FHIT: variants seen among roughly 807,000 people sequenced by gnomAD.
FHIT encodes bis(5'-adenosyl)-triphosphatase.
FHIT carries 19 observed loss-of-function variants against 17.9 expected under a neutral mutation model. That is an observed-to-expected ratio of 1.06 (90% CI 0.74 to 1.56). FHIT has a LOEUF of 1.56. Among genes scored for constraint, FHIT ranks in the 40% most tolerant of loss-of-function variants. The pLI is 0.00. For synonymous variants in FHIT, 81 were observed against 69.7 expected (o/e 1.16, Z -0.81); for missense variants, 248 against 189.2 (o/e 1.31, Z -1.82).
chr3:59,896,342 T>A (rs1295377267), intron 8 of FHIT, among the ~76,000 whole-genome samples: 2 of 152,174 alleles, frequency 1.3e-5, no homozygotes, highest in Non-Finnish European at 2.9e-5. Context: ...AAAGAACTCA[T>A]CTAAAAGAAA....
At chr3:59,957,302 G>C (rs546721285) in intron 7 of FHIT, among the ~76,000 whole-genome samples, 1 of 152,310 alleles carries the variant, frequency 6.6e-6, no homozygotes, top group Admixed American at 6.5e-5. Flanking sequence ...GTGTGCATTC[G>C]AGAGAAAAGA....
chr3:60,249,073 G>A (rs1705551240), intron 5 of FHIT, among the ~76,000 whole-genome samples: 1 of 152,020 alleles, frequency 6.6e-6, no homozygotes, highest in Non-Finnish European at 1.5e-5. Flanking sequence ...ATTTCCTAAT[G>A]AGGGCTCCAT....
chr3:61,222,494 T>C (rs1484199754), intron 1 of FHIT, among the ~76,000 whole-genome samples: 1 of 152,220 alleles, frequency 6.6e-6, no homozygotes, highest in African/African-American at 2.4e-5. Context: ...GCAAGATTTC[T>C]GCTCTCTTTA....
chr3:60,267,257 T>C (rs1446696874), intron 5 of FHIT, among the ~76,000 whole-genome samples: 1 of 151,730 alleles, frequency 6.6e-6, no homozygotes, highest in Non-Finnish European at 1.5e-5. Flanking sequence ...GGAGGGACAA[T>C]GTAGGGGTTT....
chr3:60,942,896 T>C (rs1708481804), intron 3 of FHIT, among the ~76,000 whole-genome samples: 1 of 152,220 alleles, frequency 6.6e-6, no homozygotes, highest in Non-Finnish European at 1.5e-5. Context: ...ATGTACTAAT[T>C]TCTATCATCA....
intron 3 of FHIT, among the ~76,000 whole-genome samples, chr3:60,852,616 T>C (rs1319365470): frequency 6.6e-6 from 1 of 152,112 alleles, no homozygotes; most frequent in Non-Finnish European, 1.5e-5. Flanking sequence ...AGAACTCTTT[T>C]AGGCACTTAA....
intron 2 of FHIT, among the ~76,000 whole-genome samples, chr3:61,178,772 A>T (rs1243151078): frequency 6.6e-6 from 1 of 151,942 alleles, no homozygotes; most frequent in Non-Finnish European, 1.5e-5. Flanking sequence ...ATCTATTAGG[A>T]TATAAATGAG....
At chr3:60,080,030 G>T (rs1313380322) in intron 5 of FHIT, among the ~76,000 whole-genome samples, 1 of 151,850 alleles carries the variant, frequency 6.6e-6, no homozygotes, top group Non-Finnish European at 1.5e-5. Flanking sequence ...AACTCAATCT[G>T]GGTTAATTTA....
At chr3:61,135,486 G>T (rs1229023358) in intron 2 of FHIT, among the ~76,000 whole-genome samples, 1 of 152,096 alleles carries the variant, frequency 6.6e-6, no homozygotes, top group Non-Finnish European at 1.5e-5. Flanking sequence ...AGGAACTGAG[G>T]CTTAGAGAGT....
chr3:59,978,961 T>C (rs996709732), intron 7 of FHIT, among the ~76,000 whole-genome samples: 2 of 151,882 alleles, frequency 1.3e-5, no homozygotes, highest in Non-Finnish European at 2.9e-5. Flanking sequence ...GAAAAGTGAG[T>C]GTGAACCTAA....
At chr3:60,008,038 A>G (rs1033989156) in intron 7 of FHIT, among the ~76,000 whole-genome samples, 5 of 152,174 alleles carry the variant, frequency 3.3e-5, no homozygotes, top group African/African-American at 1.2e-4. Flanking sequence ...ATCATAAACA[A>G]TGACAAAATC....
intron 3 of FHIT, among the ~76,000 whole-genome samples, chr3:60,847,868 G>A (rs1178778632): frequency 1.3e-5 from 2 of 152,036 alleles, no homozygotes; most frequent in Non-Finnish European, 2.9e-5. Context: ...TTTCTTTATG[G>A]GAATAAAGTA....
At chr3:60,298,495 C>T (rs949666917) in intron 5 of FHIT, among the ~76,000 whole-genome samples, 32 of 152,290 alleles carry the variant, frequency 2.1e-4, no homozygotes, top group African/African-American at 7.2e-4. Flanking sequence ...CAAAAGTATT[C>T]GATCTTCCAA....
intron 4 of FHIT, among the ~76,000 whole-genome samples, chr3:60,661,444 A>G (rs1244189966): frequency 6.6e-6 from 1 of 151,828 alleles, no homozygotes; most frequent in Non-Finnish European, 1.5e-5. Flanking sequence ...TTCTTTATCC[A>G]CTCATTAACT....
chr3:61,073,451 A>T (rs2106748201), intron 2 of FHIT, among the ~76,000 whole-genome samples: 1 of 152,282 alleles, frequency 6.6e-6, no homozygotes, highest in South Asian at 2.1e-4. Flanking sequence ...TCTGCGTCTG[A>T]TCCTGATGGA....
At chr3:60,023,885 A>T (rs936932559) in intron 5 of FHIT, among the ~76,000 whole-genome samples, 1 of 152,176 alleles carries the variant, frequency 6.6e-6, no homozygotes, top group African/African-American at 2.4e-5. Context: ...TCTAATGAAT[A>T]ATTTCTTCAA....
chr3:61,041,725 C>T (rs1200347077), intron 3 of FHIT, among the ~76,000 whole-genome samples: 1 of 151,064 alleles, frequency 6.6e-6, no homozygotes, highest in East Asian at 1.9e-4. Flanking sequence ...TTATACATCA[C>T]TGATTCCCTC....
chr3:60,442,088 G>C lies in FHIT; in HGVS notation c.103+94772C>G, dbSNP rs943779895. ...TTCCCTGTGATGGTCTTGAACTTCT[G>C]GGCTCAAGCGATCCTCCTGCCTCAG... On this transcript the variant is annotated intron_variant, in intron 5 of 9. Transcript: ENST00000492590. Among the ~76,000 whole-genome samples the C allele has an allele frequency of 5.9e-5, 9 of 151,314 alleles. No individual in the cohort carries two copies. In the South Asian group the frequency reaches 6.4e-4, roughly 11 times the overall value.
At chr3:60,219,750 C>G (rs17062508) in intron 5 of FHIT, among the ~76,000 whole-genome samples, 6,102 of 152,122 alleles carry the variant, frequency 0.04, 151 homozygotes, top group Middle Eastern at 0.088. Flanking sequence ...TTGTCCTCAC[C>G]CAGAAGCTAA....
Sources: gnomAD v4.1 joint callset for allele counts (sites outside exome capture counted in the v4.1 genomes callset) on GRCh38, gnomAD v4.1.1 for gene constraint, MANE v1.5 for transcripts, NCBI Gene and HGNC (gene_info 2026-07-23, HGNC 2026-07-21) for gene names.